PDE4D: variants seen among roughly 807,000 people sequenced by gnomAD.
PDE4D encodes the protein 3',5'-cyclic-AMP phosphodiesterase 4D.
PDE4D carries 24 observed loss-of-function variants against 87.4 expected under a neutral mutation model. That is an observed-to-expected ratio of 0.27 (90% confidence interval 0.20 to 0.39). The LOEUF is 0.39. Among genes scored for constraint, PDE4D ranks in the 10% least tolerant of loss-of-function variants. The probability of loss-of-function intolerance (pLI) is 1.00; values close to 1 mark genes in which losing one functional copy is unlikely to be tolerated. For synonymous variants in PDE4D, 384 were observed against 383.2 expected, an observed-to-expected ratio of 1.00 and a Z score of -0.02; for missense variants, 714 against 1,041.0, an observed-to-expected ratio of 0.69 and a Z score of 4.32.
At chr5:59,266,780 C>T (rs1356624793) in intron 1 of PDE4D, among the ~76,000 whole-genome samples, 4 of 152,010 alleles carry the variant, frequency 2.6e-5, no homozygotes, top group African/African-American at 9.7e-5. Flanking sequence ...AGCTTGTTGA[C>T]TACTTTTCTA....
At chr5:60,181,618 C>G (rs1229973568) in intron 2 of PDE4D, among the ~76,000 whole-genome samples, 1 of 152,092 alleles carries the variant, frequency 6.6e-6, no homozygotes, top group Admixed American at 6.5e-5. Context: ...GCAATTTCAT[C>G]AAGAAAATTA....
At chr5:59,647,181 A>G (rs1742610533) in intron 1 of PDE4D, among the ~76,000 whole-genome samples, 1 of 152,210 alleles carries the variant, frequency 6.6e-6, no homozygotes, top group Non-Finnish European at 1.5e-5. Context: ...AAGTTCATCA[A>G]ATTACACAAA....
At chr5:60,188,516 G>A (rs1376588264) in intron 1 of PDE4D, 1 of 152,102 alleles carries the variant, frequency 6.6e-6, no homozygotes, top group Non-Finnish European at 1.5e-5. Flanking sequence ...AAGCAAGCAG[G>A]AGGGCAAAGG....
intron 1 of PDE4D, among the ~76,000 whole-genome samples, chr5:59,230,765 G>T (rs1404163987): frequency 2.0e-5 from 3 of 152,116 alleles, no homozygotes; most frequent in Non-Finnish European, 4.4e-5. Flanking sequence ...ATCTATTTTG[G>T]AGAAGTGATA....
chr5:59,986,025 C>T (rs934577232), intron 3 of PDE4D, among the ~76,000 whole-genome samples: 8 of 152,196 alleles, frequency 5.3e-5, no homozygotes, highest in Non-Finnish European at 1.2e-4. Context: ...GGGACATAGA[C>T]AATTCGGAAC....
chr5:59,148,162 T>C (rs1778947280), intron 5 of PDE4D, among the ~76,000 whole-genome samples: 1 of 152,120 alleles, frequency 6.6e-6, no homozygotes, highest in African/African-American at 2.4e-5. Context: ...AAAAAAAATA[T>C]GTATTTTCCA....
At chr5:59,536,585 C>T (rs112867215) in intron 1 of PDE4D, among the ~76,000 whole-genome samples, 4,461 of 150,596 alleles carry the variant, frequency 0.03, 211 homozygotes, top group African/African-American at 0.1. Context: ...GTTGGAACTA[C>T]CCAACTTTCA....
intron 2 of PDE4D, among the ~76,000 whole-genome samples, chr5:60,102,232 GT>G (rs1231176722): frequency 6.6e-6 from 1 of 151,684 alleles, no homozygotes; most frequent in African/African-American, 2.4e-5. Flanking sequence ...TTTGTTTTTT[GT>G]TTTTTTGCTT....
Position 60,465,219 on chromosome 5 carries a change from G to T in PDE4D, c.-90+22723C>A, listed in dbSNP as rs562814588. Among the ~76,000 whole-genome samples, 6 of 152,142 alleles carry T rather than the reference G, an allele frequency of 3.9e-5. 1 individual carries two copies. The highest frequency in any genetic ancestry group is 1.4e-4 in the African/African-American group (6 of 41,528). On this transcript the variant is annotated intron_variant, in intron 1 of 16. Transcript: ENST00000502484. ...AAAGAAATATCTCTTCAATATATTA[G>T]TCCTTGGCATTATTTCACTAAACTA...
chr5:60,432,214 T>C (rs976799595), intron 1 of PDE4D, among the ~76,000 whole-genome samples: 4 of 152,200 alleles, frequency 2.6e-5, no homozygotes, highest in Non-Finnish European at 5.9e-5. Context: ...GTCTGAAGTT[T>C]TTACGTTGTT....
At chr5:59,760,545 G>A (rs1244490137) in intron 1 of PDE4D, among the ~76,000 whole-genome samples, 1 of 152,100 alleles carries the variant, frequency 6.6e-6, no homozygotes, top group Non-Finnish European at 1.5e-5. Context: ...TCCATTCAGT[G>A]CATCGAGCAC....
chr5:60,063,381 G>A (rs1771710928), intron 2 of PDE4D, among the ~76,000 whole-genome samples: 1 of 152,092 alleles, frequency 6.6e-6, no homozygotes, highest in African/African-American at 2.4e-5. Flanking sequence ...GCATCAAGAA[G>A]GATGTTTGTC....
At chr5:59,821,777 A>G (rs1769711132) in intron 1 of PDE4D, among the ~76,000 whole-genome samples, 1 of 152,156 alleles carries the variant, frequency 6.6e-6, no homozygotes, top group Non-Finnish European at 1.5e-5. Context: ...TCCAATTTCT[A>G]CGGTGTAAAT....
intron 1 of PDE4D, among the ~76,000 whole-genome samples, chr5:60,379,704 G>A (rs950579401): frequency 6.6e-6 from 1 of 152,106 alleles, no homozygotes; most frequent in Non-Finnish European, 1.5e-5. Context: ...CAGAAGAAAA[G>A]CCCCCACCAC....
At chr5:59,407,233 G>A (rs377105197) in intron 1 of PDE4D, among the ~76,000 whole-genome samples, 22 of 152,038 alleles carry the variant, frequency 1.4e-4, no homozygotes, top group South Asian at 1.2e-3. Context: ...CTTCCTTCCC[G>A]CTCTCTCTCT....
chr5:60,337,349 AAC>A (rs1457735886), intron 1 of PDE4D, among the ~76,000 whole-genome samples: 3 of 69,326 alleles, frequency 4.3e-5, no homozygotes, highest in Admixed American at 1.6e-4. Context: ...CAAACAAACA[AAC>A]TATATATATA....
intron 1 of PDE4D, among the ~76,000 whole-genome samples, chr5:59,274,451 G>A (rs986310771): frequency 6.6e-6 from 1 of 151,998 alleles, no homozygotes; most frequent in African/African-American, 2.4e-5. Context: ...TATTTTGCTG[G>A]CCTGTTTTCC....
At chr5:59,313,651 C>G (rs1773121870) in intron 1 of PDE4D, among the ~76,000 whole-genome samples, 1 of 152,124 alleles carries the variant, frequency 6.6e-6, no homozygotes, top group Admixed American at 6.6e-5. Flanking sequence ...ACCTTCCTAG[C>G]AAAATGTAAG....
rs1043535385 is a variant in PDE4D, at chr5:59,959,378, A to G, written c.272+29110T>C. Among the ~76,000 whole-genome samples, 3 of 152,176 alleles carry G rather than the reference A, an allele frequency of 2.0e-5. No individual in the cohort carries two copies. In the East Asian group the frequency reaches 5.8e-4, roughly 29 times the overall value. ...AGAAAAACCTATTCTAAAATGTAAAATGGAGCCAAAAATAGAGCAGAATAG... is the reference window on the plus strand; with the variant it reads ...AGAAAAACCTATTCTAAAATGTAAAGTGGAGCCAAAAATAGAGCAGAATAG... On this transcript the variant is annotated intron_variant, in intron 3 of 16. Coordinates refer to the PDE4D transcript ENST00000502484.
Sources: allele counts gnomAD v4.1 joint callset (sites outside exome capture counted in the v4.1 genomes callset), GRCh38; gene constraint gnomAD v4.1.1; transcripts MANE v1.5; gene names NCBI Gene and HGNC (gene_info 2026-07-23, HGNC 2026-07-21).